Variants in LARGE1 observed in about 807,000 individuals in gnomAD.
LARGE1 encodes the protein xylosyl- and glucuronyltransferase LARGE1.
A neutral mutation model predicts 87.6 loss-of-function variants in LARGE1; 43 were observed. That is an observed-to-expected ratio of 0.49 (90% CI 0.38 to 0.63). The LOEUF (loss-of-function observed/expected upper bound fraction) is 0.63, where lower values mean the gene tolerates loss of function less well. Among genes scored for constraint, LARGE1 ranks in the 30% least tolerant of loss-of-function variants. LARGE1 has a pLI of 0.00. For synonymous variants in LARGE1, 434 were observed against 394.6 expected (o/e 1.10, Z -1.18); for missense variants, 802 against 1,000.2 (o/e 0.80, Z 2.67).
At chr22:33,407,041 C>A (rs1178026304) in intron 7 of LARGE1, among the ~76,000 whole-genome samples, 1 of 152,198 alleles carries the variant, frequency 6.6e-6, no homozygotes, top group African/African-American at 2.4e-5. Context: ...GATCCACTCA[C>A]CTCAGCCTCC....
chr22:33,147,244 C>T, the LARGE1 span, among the ~76,000 whole-genome samples: 1 of 152,192 alleles, frequency 6.6e-6, no homozygotes, highest in South Asian at 2.1e-4. Context: ...CACAAACTCT[C>T]ATTTCTTTGA....
intron 2 of LARGE1, among the ~76,000 whole-genome samples, chr22:33,745,115 C>T (rs920551898): frequency 6.6e-6 from 1 of 152,134 alleles, no homozygotes; most frequent in Admixed American, 6.5e-5. Flanking sequence ...ACAGAACAAG[C>T]GAAGAAGCCA....
chr22:33,420,986 G>C (rs989877743), intron 7 of LARGE1, among the ~76,000 whole-genome samples: 2 of 152,098 alleles, frequency 1.3e-5, no homozygotes, highest in African/African-American at 4.8e-5. Flanking sequence ...TCAGGAGTTC[G>C]AGACCAGCCC....
intron 1 of LARGE1, among the ~76,000 whole-genome samples, chr22:33,910,412 G>A (rs1203748337): frequency 4.6e-5 from 7 of 152,144 alleles, no homozygotes; most frequent in African/African-American, 1.7e-4. Context: ...TTGCTGTTTG[G>A]TGACGCCTCC....
intron 11 of LARGE1, among the ~76,000 whole-genome samples, chr22:33,199,930 A>G (rs1602082171): frequency 6.6e-6 from 1 of 151,604 alleles, no homozygotes; most frequent in Admixed American, 6.6e-5. Flanking sequence ...GCTCACTGCA[A>G]CCTCTGCCTC....
Position 33,654,059 on chromosome 22 carries a change from T to A in LARGE1, c.107-3391A>T, listed in dbSNP as rs143137063. 6.8e-4 allele frequency among the ~76,000 whole-genome samples: 103 copies of A among 152,330 alleles called. 1 individual carries two copies. In the East Asian group the frequency reaches 0.017, roughly 25 times the overall value. On this transcript the variant is annotated intron_variant, in intron 2 of 14. Transcript: ENST00000397394. ...AGAGAAATGCTATCGACATCCTGTGTCCATTTCTCCCCTGCTTTAGACCCC... is the reference window on the plus strand; with the variant it reads ...AGAGAAATGCTATCGACATCCTGTGACCATTTCTCCCCTGCTTTAGACCCC...
intron 6 of LARGE1, among the ~76,000 whole-genome samples, chr22:33,545,115 G>C (rs1310162821): frequency 1.3e-5 from 2 of 152,168 alleles, no homozygotes; most frequent in East Asian, 3.9e-4. Context: ...AAAAATCACA[G>C]ACATAGAAGA....
chr22:33,430,180 G>T (rs1463373529), intron 7 of LARGE1, among the ~76,000 whole-genome samples: 1 of 152,196 alleles, frequency 6.6e-6, no homozygotes, highest in Non-Finnish European at 1.5e-5. Flanking sequence ...AGCCTTCGAT[G>T]CTCCAATCTT....
intron 2 of LARGE1, among the ~76,000 whole-genome samples, chr22:33,696,235 TTTTC>T (rs200751894): frequency 0.41 from 50,929 of 125,548 alleles, 10,965 homozygotes; most frequent in East Asian, 0.5. Flanking sequence ...TATTCAGTAT[TTTTC>T]TTTCTTTCTT....
At chr22:33,385,668 C>T (rs16992228) in intron 7 of LARGE1, among the ~76,000 whole-genome samples, 11,403 of 147,012 alleles carry the variant, frequency 0.078, 1,736 homozygotes, top group African/African-American at 0.26. Context: ...TATCTACCAT[C>T]AGGTCAGTTA....
chr22:33,712,148 T>G (rs2082748826), intron 2 of LARGE1, among the ~76,000 whole-genome samples: 1 of 151,908 alleles, frequency 6.6e-6, no homozygotes, highest in East Asian at 1.9e-4. Context: ...CCCCAGGAAG[T>G]TTGAGTCTGG....
chr22:33,714,104 AC>A lies in LARGE1; in HGVS notation c.106+47266del, dbSNP rs560015269. On this transcript the variant is annotated intron_variant, in intron 2 of 14. Transcript: ENST00000397394. ...CCTGGAAACTGGTCCATGCAGACTG[AC>A]TCCTGCCCTCCTACCAAGTTGGCTA... Among the ~76,000 whole-genome samples, 289 of 152,058 alleles carry A rather than the reference AC, an allele frequency of 1.9e-3. 1 individual carries two copies. The highest frequency in any genetic ancestry group is 6.8e-3 in the African/African-American group (280 of 41,460).
the LARGE1 span, among the ~76,000 whole-genome samples, chr22:33,098,528 G>A: frequency 6.6e-6 from 1 of 152,172 alleles, no homozygotes; most frequent in Admixed American, 6.5e-5. Flanking sequence ...GGCTGAGGCA[G>A]GAGAATGGCG....
At chr22:33,790,785 T>C (rs1017446824) in intron 1 of LARGE1, among the ~76,000 whole-genome samples, 3 of 152,248 alleles carry the variant, frequency 2.0e-5, no homozygotes, top group Non-Finnish European at 4.4e-5. Flanking sequence ...ACATGCCAAC[T>C]TCTCAAGTTC....
the LARGE1 span, among the ~76,000 whole-genome samples, chr22:33,069,615 T>C: frequency 6.6e-6 from 1 of 152,156 alleles, no homozygotes; most frequent in Non-Finnish European, 1.5e-5. Flanking sequence ...ACTAAAATAA[T>C]TTCATATGCA....
At chr22:33,759,979 G>T (rs113184135) in intron 2 of LARGE1, among the ~76,000 whole-genome samples, 4,499 of 152,302 alleles carry the variant, frequency 0.03, 93 homozygotes, top group Middle Eastern at 0.048. Context: ...AGCATCCTGA[G>T]CCCTCCCTGC....
chr22:33,136,057 C>G, the LARGE1 span, among the ~76,000 whole-genome samples: 6 of 152,036 alleles, frequency 3.9e-5, no homozygotes, highest in Non-Finnish European at 8.8e-5. Context: ...GTCAAAGAAA[C>G]AGAGACTCAG....
At chr22:33,482,639 G>A (rs906561182) in intron 6 of LARGE1, among the ~76,000 whole-genome samples, 2 of 152,022 alleles carry the variant, frequency 1.3e-5, no homozygotes, top group Non-Finnish European at 2.9e-5. Flanking sequence ...GCACGTTCTG[G>A]CCATGGTTTG....
At chr22:33,219,992 T>C (rs941344576) in intron 11 of LARGE1, among the ~76,000 whole-genome samples, 2 of 152,186 alleles carry the variant, frequency 1.3e-5, no homozygotes, top group Non-Finnish European at 2.9e-5. Context: ...AGAAAAATAC[T>C]TTCTCATAAA....
Sources: gnomAD v4.1 joint callset for allele counts (sites outside exome capture counted in the v4.1 genomes callset) on GRCh38, gnomAD v4.1.1 for gene constraint, MANE v1.5 for transcripts, NCBI Gene and HGNC (gene_info 2026-07-23, HGNC 2026-07-21) for gene names.